Variants in YAF2 observed in about 807,000 individuals in gnomAD.
The protein encoded by YAF2 is YY1 associated factor 2, also known as YY1-associated factor 2.
In YAF2, 7 loss-of-function variants were observed where a neutral mutation model predicts 20.1. The ratio of observed to expected loss-of-function variants is 0.35; its 90% CI spans 0.20 to 0.65. YAF2 has a LOEUF of 0.65. YAF2 is among the 30% of genes least tolerant of loss of function. YAF2 has a pLI of 0.69. For missense variants in YAF2, 151 were observed against 219.2 expected (o/e 0.69, Z 1.96); for synonymous variants, 74 against 76.0 (o/e 0.97, Z 0.14).
intron 2 of YAF2, among the ~76,000 whole-genome samples, chr12:42,206,377 G>A (rs2067041604): frequency 1.3e-5 from 2 of 151,682 alleles, no homozygotes; most frequent in South Asian, 4.1e-4. Context: ...GGGAGGCTGA[G>A]GCGGGCAGAT....
chr12:42,235,786 C>A (rs747452690), intron 2 of YAF2: 1 of 1,535,966 alleles, frequency 6.5e-7, no homozygotes, highest in Admixed American at 2.0e-5. Context: ...CAGGGGCCCC[C>A]ATGTGGGCCT....
At chr12:42,211,375 G>A (rs1022831580) in intron 2 of YAF2, among the ~76,000 whole-genome samples, 3 of 147,612 alleles carry the variant, frequency 2.0e-5, no homozygotes, top group African/African-American at 5.0e-5. Flanking sequence ...TGCAGTGAGC[G>A]GAGATCGTGC....
At chr12:42,205,990 T>C (rs2067029533) in intron 2 of YAF2, 2 of 260,458 alleles carry the variant, frequency 7.7e-6, no homozygotes, top group Non-Finnish European at 7.9e-6. Flanking sequence ...GTATGCTCTC[T>C]TCTAAAACTC....
intron 2 of YAF2, among the ~76,000 whole-genome samples, chr12:42,204,828 CAT>C (rs2066994502): frequency 6.6e-6 from 1 of 152,236 alleles, no homozygotes; most frequent in Non-Finnish European, 1.5e-5. Context: ...TCCCAAAACA[CAT>C]GTTGTATAAT....
In YAF2 at chr12:42,226,126, T is replaced by C. The variant is rs113747515; in HGVS notation, c.152+11473A>G. On this transcript the variant is annotated intron_variant, in intron 2 of 3. Transcript: ENST00000534854. ...TAAGTTGTATTCCTAGGTATTTTAT[T>C]CTCCTTGTAGCAATGGAATATACAA... Among the ~76,000 whole-genome samples, 1,221 of 152,310 alleles carry C rather than the reference T, an allele frequency of 8.0e-3. 16 individuals carry two copies. Among genetic ancestry groups the C allele is most frequent in the African/African-American group, 0.029 (1,187 of 41,554 alleles).
At chr12:42,228,204 T>G (rs1401173358) in intron 2 of YAF2, among the ~76,000 whole-genome samples, 20 of 53,654 alleles carry the variant, frequency 3.7e-4, no homozygotes, top group East Asian at 6.4e-4. Flanking sequence ...GGTGGGGGGG[T>G]CGGCCCCCCG....
At chr12:42,232,586 G>A (rs1320621986) in intron 2 of YAF2, 1 of 985,414 alleles carries the variant, frequency 1.0e-6, no homozygotes, top group Non-Finnish European at 1.2e-6. Context: ...AGATAGACAG[G>A]AGGCGGCTCA....
At chr12:42,176,428 T>A (rs1371554100) in intron 2 of YAF2, among the ~76,000 whole-genome samples, 1 of 152,060 alleles carries the variant, frequency 6.6e-6, no homozygotes, top group Non-Finnish European at 1.5e-5. Flanking sequence ...ACCAACAATA[T>A]ACTCTTGATT....
At position 42,159,511 on chromosome 12, in the gene YAF2, G is replaced by T. The variant is rs912216945; in HGVS notation, c.*1078C>A. 1 of 151,944 alleles carries T rather than the reference G, an allele frequency of 6.6e-6. No individual in the cohort carries two copies. The highest frequency in any genetic ancestry group is 6.6e-5 in the Admixed American group (1 of 15,244). The allele number at this position is 151,944 out of a possible 1,614,324, so 9.4% of individuals were successfully genotyped here. On this transcript the variant is annotated 3_prime_UTR_variant, in exon 4 of 4. Transcript: ENST00000534854. ...TGGGGCTATACTTTTTTCCTTTCAG[G>T]ATACTGAGAAATGTGTAAACTGGCA...
intron 2 of YAF2, among the ~76,000 whole-genome samples, chr12:42,190,828 T>C (rs1193508376): frequency 6.6e-6 from 1 of 152,110 alleles, no homozygotes; most frequent in Non-Finnish European, 1.5e-5. Context: ...TGGAAAGGTT[T>C]GGTTTCTGGC....
At chr12:42,191,458 T>C (rs894140437) in intron 2 of YAF2, among the ~76,000 whole-genome samples, 3 of 152,210 alleles carry the variant, frequency 2.0e-5, no homozygotes, top group Admixed American at 6.5e-5. Context: ...TTCTAGTGTG[T>C]TTCTAAACAC....
intron 2 of YAF2, among the ~76,000 whole-genome samples, chr12:42,168,926 C>A (rs866232260): frequency 2.7e-4 from 41 of 152,228 alleles, no homozygotes; most frequent in Admixed American, 1.4e-3. Context: ...TTGTGGGGCT[C>A]ATACCACCCC....
chr12:42,210,611 A>C, intron 2 of YAF2: 10 of 1,536,128 alleles, frequency 6.5e-6, no homozygotes, highest in Non-Finnish European at 8.7e-6. Context: ...AACTTCAAAC[A>C]ATGTGGATCT....
intron 3 of YAF2, chr12:42,161,093 G>T: frequency 2.5e-6 from 1 of 407,074 alleles, no homozygotes; most frequent in Non-Finnish European, 4.4e-6. Flanking sequence ...TCATAATTTT[G>T]CAGACAGCTT....
chr12:42,213,563 A>T (rs1426151128), intron 2 of YAF2, among the ~76,000 whole-genome samples: 1 of 152,222 alleles, frequency 6.6e-6, no homozygotes, highest in East Asian at 1.9e-4. Context: ...AGCCAACTTG[A>T]GTGGCTCTAA....
chr12:42,175,083 T>C (rs970088543), intron 2 of YAF2, among the ~76,000 whole-genome samples: 4 of 152,206 alleles, frequency 2.6e-5, no homozygotes, highest in African/African-American at 7.2e-5. Context: ...CAAATGTTCA[T>C]AGCAACTTCA....
At chr12:42,200,282 A>G (rs1312504126) in intron 2 of YAF2, among the ~76,000 whole-genome samples, 1 of 152,202 alleles carries the variant, frequency 6.6e-6, no homozygotes. Flanking sequence ...ACAAGGATAG[A>G]GAAACAAGGA....
chr12:42,236,601 A>G (rs2068165525), intron 2 of YAF2, among the ~76,000 whole-genome samples: 1 of 152,206 alleles, frequency 6.6e-6, no homozygotes, highest in Admixed American at 6.5e-5. Context: ...CTCATTTTTT[A>G]GAAATCTAAC....
intron 2 of YAF2, among the ~76,000 whole-genome samples, chr12:42,207,681 A>C (rs1183735849): frequency 6.6e-6 from 1 of 151,586 alleles, no homozygotes; most frequent in Admixed American, 6.6e-5. Context: ...TCACAAGGTC[A>C]GGCGATCAAG....
Sources: gnomAD v4.1 joint callset for allele counts (sites outside exome capture counted in the v4.1 genomes callset) on GRCh38, gnomAD v4.1.1 for gene constraint, MANE v1.5 for transcripts, NCBI Gene and HGNC (gene_info 2026-07-23, HGNC 2026-07-21) for gene names.